Variants in NTM observed in about 807,000 individuals in gnomAD.
NTM encodes neurotrimin, also known as IgLON family member 2.
Under a neutral mutation model 42.1 loss-of-function variants are expected in NTM, and 13 were observed. The ratio of observed to expected loss-of-function variants is 0.31; its 90% CI spans 0.20 to 0.49. The LOEUF (loss-of-function observed/expected upper bound fraction) is 0.49. Ranked by LOEUF, NTM falls within the 20% of genes least tolerant of loss-of-function variation. The pLI is 0.99. For missense variants in NTM, 373 were observed against 452.8 expected (o/e 0.82, Z 1.60); for synonymous variants, 187 against 179.2 (o/e 1.04, Z -0.35).
chr11:131,543,133 G>C (rs1484546104), intron 1 of NTM, among the ~76,000 whole-genome samples: 1 of 152,126 alleles, frequency 6.6e-6, no homozygotes, highest in Non-Finnish European at 1.5e-5. Context: ...TCCTACTTGT[G>C]AGCCAGTTGA....
At chr11:131,705,471 C>T (rs2076501008) in intron 1 of NTM, among the ~76,000 whole-genome samples, 1 of 152,044 alleles carries the variant, frequency 6.6e-6, no homozygotes, top group South Asian at 2.1e-4. Context: ...TCAAGAAATG[C>T]TCAAATAAGT....
Position 132,186,126 on chromosome 11 carries a change from C to T in NTM, c.401-25896C>T, listed in dbSNP as rs927640478. Reference sequence around the variant, plus strand: ...CACTTGATTCCAAGTTTGCTAAAGACGGAAAGAAAGAACTCCAACAGGAGC... The same window carrying T: ...CACTTGATTCCAAGTTTGCTAAAGATGGAAAGAAAGAACTCCAACAGGAGC... On this transcript the variant is annotated intron_variant, in intron 3 of 8. Coordinates refer to ENST00000683400, the MANE Select transcript of NTM (RefSeq NM_001352005.2). Among the ~76,000 whole-genome samples the T allele has an allele frequency of 6.6e-5, 10 of 152,266 alleles. 1 individual carries two copies. The highest frequency in any genetic ancestry group is 1.9e-4 in the East Asian group (1 of 5,182).
intron 4 of NTM, among the ~76,000 whole-genome samples, chr11:132,239,550 TGA>T (rs2089774345): frequency 6.6e-6 from 1 of 152,208 alleles, no homozygotes; most frequent in Non-Finnish European, 1.5e-5. Context: ...TGCATTTTAC[TGA>T]GAGAGACAGA....
intron 1 of NTM, among the ~76,000 whole-genome samples, chr11:131,399,300 GAT>G (rs1460151236): frequency 2.6e-5 from 4 of 152,172 alleles, no homozygotes; most frequent in African/African-American, 9.7e-5. Flanking sequence ...GTAGAAGAGA[GAT>G]GGACTCACGA....
intron 1 of NTM, among the ~76,000 whole-genome samples, chr11:131,468,608 G>A (rs749486394): frequency 6.6e-6 from 1 of 152,106 alleles, no homozygotes; most frequent in Non-Finnish European, 1.5e-5. Flanking sequence ...AAAATATCAT[G>A]TCAATGTCAT....
chr11:131,527,470 C>T (rs2050663309), intron 1 of NTM, among the ~76,000 whole-genome samples: 1 of 152,182 alleles, frequency 6.6e-6, no homozygotes, highest in South Asian at 2.1e-4. Context: ...AATTAGTTTC[C>T]TGGCATACTC....
At chr11:131,637,802 C>T (rs1467933698) in intron 1 of NTM, among the ~76,000 whole-genome samples, 1 of 152,008 alleles carries the variant, frequency 6.6e-6, no homozygotes, top group Non-Finnish European at 1.5e-5. Context: ...TGGTGGTGCA[C>T]AAGAGAAGGT....
At chr11:132,328,491 G>T (rs535908613) in intron 7 of NTM, among the ~76,000 whole-genome samples, 10 of 151,984 alleles carry the variant, frequency 6.6e-5, no homozygotes, top group South Asian at 2.1e-4. Flanking sequence ...TTTTTGGGGG[G>T]GTCTTTGTTT....
rs557966869 is a variant in NTM, at chr11:132,028,956, C to T, written c.167+117308C>T. ...AAGTCTGGAGCTCTCATGTTTTGACCCCTAAGACTTGTGCACACTGAACCT... is the reference window on the plus strand; with the variant it reads ...AAGTCTGGAGCTCTCATGTTTTGACTCCTAAGACTTGTGCACACTGAACCT... On this transcript the variant is annotated intron_variant, in intron 2 of 8. Transcript: ENST00000683400. 9.2e-5 allele frequency among the ~76,000 whole-genome samples: 14 copies of T among 152,172 alleles called. No homozygotes were observed. The East Asian group carries it at 2.5e-3, about 27-fold the overall frequency.
intron 2 of NTM, among the ~76,000 whole-genome samples, chr11:131,956,815 C>A (rs1024845676): frequency 2.0e-5 from 3 of 152,088 alleles, no homozygotes; most frequent in African/African-American, 7.2e-5. Context: ...ACAGCATCAG[C>A]CTGAAGCCAG....
At position 131,872,178 on chromosome 11, in the gene NTM, G is replaced by A. The variant is rs571249132; in HGVS notation, c.83-39386G>A. Among the ~76,000 whole-genome samples the A allele has an allele frequency of 2.0e-5, 3 of 152,278 alleles. No homozygotes were observed. The South Asian group carries it at 6.2e-4, about 32-fold the overall frequency. Reference sequence around the variant, plus strand: ...AGTAAAGCAGGGTCACGCAGATCTGGCACAAACTATTCACAAACAGGTGAG... The same window carrying A: ...AGTAAAGCAGGGTCACGCAGATCTGACACAAACTATTCACAAACAGGTGAG... On this transcript the variant is annotated intron_variant, in intron 1 of 8. Transcript: ENST00000683400.
At chr11:131,545,841 G>C (rs1288374164) in intron 1 of NTM, among the ~76,000 whole-genome samples, 1 of 152,156 alleles carries the variant, frequency 6.6e-6, no homozygotes, top group Admixed American at 6.5e-5. Flanking sequence ...TCGGCAGAGG[G>C]ACCTGCAGTG....
intron 3 of NTM, among the ~76,000 whole-genome samples, chr11:132,190,803 C>A (rs2079189171): frequency 6.6e-6 from 1 of 151,514 alleles, no homozygotes; most frequent in South Asian, 2.1e-4. Context: ...GCAAAATAGT[C>A]CAAGGTAAAG....
rs530577219 is a variant in NTM at position 131,661,011 on chromosome 11, C to T, written c.83-250553C>T. 208 of 1,304,326 alleles carry T rather than the reference C, an allele frequency of 1.6e-4. 2 individuals are homozygous for T. The South Asian group carries it at 1.6e-3, about 10-fold the overall frequency. 80.8% of individuals were successfully genotyped at this position (1,304,326 alleles called of 1,614,324 possible). The stretch of plus-strand genomic sequence containing the variant: ...AAAAAAAAATGAACGGAAAAAGAAA[C>T]GGGGAAGGTGGGAAGAGGTGGAAAT... On this transcript the variant is annotated intron_variant, in intron 1 of 8. Coordinates refer to ENST00000683400, the MANE Select transcript of NTM (RefSeq NM_001352005.2).
At chr11:131,443,823 G>A (rs1189061126) in intron 1 of NTM, among the ~76,000 whole-genome samples, 1 of 152,158 alleles carries the variant, frequency 6.6e-6, no homozygotes, top group African/African-American at 2.4e-5. Context: ...TCACTGTGCA[G>A]AGACCCACCC....
chr11:132,236,070 C>A (rs950299498), intron 4 of NTM, among the ~76,000 whole-genome samples: 1 of 152,004 alleles, frequency 6.6e-6, no homozygotes, highest in Admixed American at 6.6e-5. Flanking sequence ...AGCCAAATGG[C>A]TGTTTGCAAA....
At chr11:131,410,517 C>CAAAAAAAAAAAAAAAA (rs1161389222) in intron 1 of NTM, among the ~76,000 whole-genome samples, 3 of 32,754 alleles carry the variant, frequency 9.2e-5, no homozygotes, top group African/African-American at 2.8e-4. Flanking sequence ...AAACAATAAC[C>CAAAAAAAAAAAAAAAA]AAAAAAAAAA....
At chr11:131,710,444 G>C (rs984215376) in intron 1 of NTM, among the ~76,000 whole-genome samples, 5 of 152,118 alleles carry the variant, frequency 3.3e-5, no homozygotes, top group African/African-American at 2.4e-5. Flanking sequence ...AGGGAGGAAA[G>C]AGTTGCTCTC....
chr11:131,384,661 A>G (rs1943093212), intron 1 of NTM, among the ~76,000 whole-genome samples: 1 of 152,176 alleles, frequency 6.6e-6, no homozygotes, highest in African/African-American at 2.4e-5. Flanking sequence ...CCCTCAGGGA[A>G]TACAAACAGG....
Sources: allele counts gnomAD v4.1 joint callset (sites outside exome capture counted in the v4.1 genomes callset), GRCh38; gene constraint gnomAD v4.1.1; transcripts MANE v1.5; gene names NCBI Gene and HGNC (gene_info 2026-07-23, HGNC 2026-07-21).